IL17RD: variants seen among roughly 807,000 people sequenced by gnomAD.
IL17RD encodes interleukin-17 receptor D.
Under a neutral mutation model 80.5 loss-of-function variants are expected in IL17RD, and 52 were observed. The ratio of observed to expected loss-of-function variants is 0.65; its 90% confidence interval spans 0.52 to 0.81. IL17RD has a LOEUF of 0.81. IL17RD is among the 40% of genes least tolerant of loss of function. IL17RD has a pLI of 0.00. For synonymous variants in IL17RD, 416 were observed against 391.8 expected (o/e 1.06, Z -0.73); for missense variants, 1,024 against 955.1 (o/e 1.07, Z -0.95).
At chr3:57,168,369 C>T (rs933267169), upstream of IL17RD, among the ~76,000 whole-genome samples, 1 of 152,194 alleles carries the variant, frequency 6.6e-6, no homozygotes, top group African/African-American at 2.4e-5. Flanking sequence ...CAGAATCTGG[C>T]AACCGACAGC....
chr3:57,104,288 T>C lies in IL17RD; in HGVS notation c.813+54A>G, dbSNP rs141557777. ...AGTGTTGTAAACAGTTGGAATTCTATATGAACTGGGTTCATTCTATAGCAT... is the reference window on the plus strand; with the variant it reads ...AGTGTTGTAAACAGTTGGAATTCTACATGAACTGGGTTCATTCTATAGCAT... On this transcript the variant is annotated intron_variant, in intron 8 of 12. Transcript: ENST00000296318. 500 of 1,222,744 alleles carry C rather than the reference T, an allele frequency of 4.1e-4. 3 individuals are homozygous for C. The African/African-American group carries it at 6.7e-3, about 16-fold the overall frequency. 75.7% of individuals were successfully genotyped at this position (1,222,744 alleles called of 1,614,324 possible).
At chr3:57,125,204 T>C (rs1442103966) in intron 1 of IL17RD, among the ~76,000 whole-genome samples, 7 of 152,098 alleles carry the variant, frequency 4.6e-5, no homozygotes, top group Non-Finnish European at 5.9e-5. Flanking sequence ...GTCAGGAGTT[T>C]GAGAGTAGCC....
At chr3:57,168,152 T>C (rs1188211350), upstream of IL17RD, among the ~76,000 whole-genome samples, 1 of 152,164 alleles carries the variant, frequency 6.6e-6, no homozygotes, top group Non-Finnish European at 1.5e-5. Context: ...CTTTCAGGAA[T>C]TGGACTCCAG....
intron 1 of IL17RD, among the ~76,000 whole-genome samples, chr3:57,146,989 A>AT (rs1244457109): frequency 0.019 from 2,451 of 126,448 alleles, 25 homozygotes; most frequent in Non-Finnish European, 0.027. Context: ...TGCCCGGCTA[A>AT]TTTTTTTTTT....
At chr3:57,109,003 T>C (rs1292567934) in intron 5 of IL17RD, among the ~76,000 whole-genome samples, 1 of 152,192 alleles carries the variant, frequency 6.6e-6, no homozygotes, top group Non-Finnish European at 1.5e-5. Flanking sequence ...CTGTCAGGTC[T>C]GTTCTAGAAC....
chr3:57,155,058 C>T (rs573562973), intron 1 of IL17RD, among the ~76,000 whole-genome samples: 28 of 152,246 alleles, frequency 1.8e-4, no homozygotes, highest in African/African-American at 3.9e-4. Flanking sequence ...CACAGCTGGC[C>T]GGCAAATCCG....
At chr3:57,132,320 C>T (rs150554563) in intron 1 of IL17RD, among the ~76,000 whole-genome samples, 3,883 of 151,980 alleles carry the variant, frequency 0.026, 75 homozygotes, top group Admixed American at 0.042. Flanking sequence ...TTTAGCCAGG[C>T]GTGGTGGCAC....
chr3:57,098,472 T>C lies in IL17RD; in HGVS notation c.1231A>G (p.Lys411Glu), dbSNP rs757280739. ...REGQREWVIQ[K>E]IHESQFIIVV... ...ATGATGAACTGGGACTCGTGGATCT[T>C]CTGGATGACCCATTCTCTCTGCCCT... is the stretch of plus-strand genomic sequence containing the variant. Residue 411 changes from lysine (K) to glutamate (E), a missense_variant, in exon 12 of 13, where the codon AAG becomes GAG. Transcript: ENST00000296318. 3.1e-6 allele frequency: 5 copies of C among 1,613,956 alleles called. No individual in the cohort carries two copies. In the Admixed American group the frequency reaches 5.0e-5, roughly 16 times the overall value.
chr3:57,110,429 G>T, intron 3 of IL17RD, 118 bp from the exon 4 acceptor site: 1 of 1,110,984 alleles, frequency 9.0e-7, no homozygotes, highest in Non-Finnish European at 1.3e-6. Context: ...AATTCTAACT[G>T]TGGCCAGGGT....
In IL17RD at chr3:57,120,298, T is replaced by C; in HGVS notation, c.142A>G (p.Ser48Gly). The C allele has an allele frequency of 1.2e-6, 2 of 1,613,748 alleles. No homozygotes were observed. The highest frequency in any genetic ancestry group is 2.2e-5 in the South Asian group (2 of 91,080). Residue 48 changes from serine (S) to glycine (G), a missense_variant, in exon 2 of 13, where the codon AGC becomes GGC. Transcript: ENST00000296318. Reference protein sequence around the residue: ...TCGWRGVGPASRNSGLYNITF... With the variant: ...TCGWRGVGPAGRNSGLYNITF... Reference sequence around the variant, plus strand: ...ATGTTGTACAGCCCACTGTTTCTGCTGGCTGGCCCCACTCCCTGTGGGAAA... The same window carrying C: ...ATGTTGTACAGCCCACTGTTTCTGCCGGCTGGCCCCACTCCCTGTGGGAAA...
At position 57,109,507 on chromosome 3, in the gene IL17RD, T is replaced by C. The variant is rs547487879; in HGVS notation, c.550+30A>G. 12 of 1,598,812 alleles carry C rather than the reference T, an allele frequency of 7.5e-6. No individual in the cohort carries two copies. In the African/African-American group the frequency reaches 1.4e-4, roughly 18 times the overall value. On this transcript the variant is annotated intron_variant, in intron 5 of 12. Transcript: ENST00000296318. ...TTAAAAGCGGAGAAAAGTCTTCTCATGGGAACCAGGCAGGAAAGGCCATAC... is the reference window on the plus strand; with the variant it reads ...TTAAAAGCGGAGAAAAGTCTTCTCACGGGAACCAGGCAGGAAAGGCCATAC...
chr3:57,095,868 AC>A lies in IL17RD; in HGVS notation c.*524del, dbSNP rs1363933762. On this transcript the variant is annotated 3_prime_UTR_variant, in exon 13 of 13. Transcript: ENST00000296318. ...ACTTTTGACTCAAAGCTTATTTAAC[AC>A]CCATGGCAATGTAAATTCTACATCA... The A allele has an allele frequency of 6.5e-6, 1 of 154,376 alleles. No homozygotes were observed. Among genetic ancestry groups the A allele is most frequent in the African/African-American group, 2.4e-5 (1 of 41,446 alleles). 9.6% of individuals were successfully genotyped at this position (154,376 alleles called of 1,614,324 possible).
At chr3:57,127,227 T>C (rs1271673205) in intron 1 of IL17RD, among the ~76,000 whole-genome samples, 1 of 111,106 alleles carries the variant, frequency 9.0e-6, no homozygotes, top group Non-Finnish European at 1.6e-5. Context: ...TATAAATATA[T>C]ATAAAAATAT....
chr3:57,153,968 G>A (rs2060248475), intron 1 of IL17RD, among the ~76,000 whole-genome samples: 1 of 152,052 alleles, frequency 6.6e-6, no homozygotes, highest in African/African-American at 2.4e-5. Context: ...GCTCTAGGCA[G>A]GGCATGGTGG....
intron 1 of IL17RD, among the ~76,000 whole-genome samples, chr3:57,146,664 C>T (rs1286788677): frequency 6.7e-6 from 1 of 149,600 alleles, no homozygotes; most frequent in African/African-American, 2.5e-5. Flanking sequence ...GCAGGAGAAT[C>T]GCTTGAACCC....
At chr3:57,151,195 G>A (rs1181176688) in intron 1 of IL17RD, among the ~76,000 whole-genome samples, 1 of 152,126 alleles carries the variant, frequency 6.6e-6, no homozygotes, top group Non-Finnish European at 1.5e-5. Flanking sequence ...CCTGTCCACT[G>A]CTTGCCAGTT....
chr3:57,153,729 G>C (rs905556872), intron 1 of IL17RD, among the ~76,000 whole-genome samples: 2 of 152,050 alleles, frequency 1.3e-5, no homozygotes, highest in East Asian at 3.8e-4. Context: ...ATGGGAGAAA[G>C]AGCACAATAA....
In IL17RD at chr3:57,097,906, ACT is replaced by A; in HGVS notation, c.1795_1796del (p.Ser599Ter). ...NDVMCKPGPE[S>X]DFCLKVEAAV... Reference sequence around the variant, plus strand: ...CCGCCTCTACCTTTAGGCAGAAGTCACTCTCAGGCCCTGGTTTGCACATGACA... The same window carrying A: ...CCGCCTCTACCTTTAGGCAGAAGTCACTCAGGCCCTGGTTTGCACATGACA... On this transcript the variant is annotated frameshift_variant, in exon 12 of 13. Transcript: ENST00000296318. LOFTEE classifies it high-confidence loss of function. 1 of 1,613,828 alleles carries A rather than the reference ACT, an allele frequency of 6.2e-7. No homozygotes were observed. Among genetic ancestry groups the A allele is most frequent in the Non-Finnish European group, 8.5e-7 (1 of 1,179,874 alleles).
intron 1 of IL17RD, among the ~76,000 whole-genome samples, chr3:57,159,316 T>C (rs1419343446): frequency 1.3e-5 from 2 of 152,168 alleles, no homozygotes; most frequent in African/African-American, 4.8e-5. Context: ...TGTGATCACT[T>C]GAGGGCTTGT....
Sources: allele counts gnomAD v4.1 joint callset (sites outside exome capture counted in the v4.1 genomes callset), GRCh38; gene constraint gnomAD v4.1.1; transcripts MANE v1.5; gene names NCBI Gene and HGNC (gene_info 2026-07-23, HGNC 2026-07-21).